Variants in FOXP1 observed in about 807,000 individuals in gnomAD.
The protein encoded by FOXP1 is forkhead box protein P1.
FOXP1 carries 15 observed loss-of-function variants against 98.2 expected under a neutral mutation model. The observed-to-expected ratio is 0.15, with a 90% CI of 0.10 to 0.24. The LOEUF is 0.24. Among genes scored for constraint, FOXP1 ranks in the 10% least tolerant of loss-of-function variants. FOXP1 has a pLI of 1.00. For missense variants in FOXP1, 633 were observed against 848.5 expected, an observed-to-expected ratio of 0.75 and a Z score of 3.15; for synonymous variants, 371 against 314.5, an observed-to-expected ratio of 1.18 and a Z score of -1.90.
chr3:71,436,656 A>G lies in FOXP1; in HGVS notation c.-168+56770T>C, dbSNP rs79519481. On this transcript the variant is annotated intron_variant, in intron 3 of 20. Transcript: ENST00000649528. ...AAGAAAAGAACAAAAAATTTCAAGG[A>G]TTCACTAAGCCAACAGCACTGAACC... 2.7e-3 allele frequency among the ~76,000 whole-genome samples: 418 copies of G among 152,242 alleles called. 1 individual carries two copies. Among genetic ancestry groups the G allele is most frequent in the African/African-American group, 9.7e-3 (404 of 41,522 alleles).
intron 5 of FOXP1, among the ~76,000 whole-genome samples, chr3:71,261,467 T>C (rs1313491699): frequency 6.6e-6 from 1 of 152,164 alleles, no homozygotes; most frequent in African/African-American, 2.4e-5. Flanking sequence ...GACTTTTATT[T>C]CCGATAGTTA....
chr3:71,224,468 G>C (rs967652681), intron 5 of FOXP1, among the ~76,000 whole-genome samples: 3 of 152,164 alleles, frequency 2.0e-5, no homozygotes, highest in African/African-American at 7.2e-5. Flanking sequence ...GGTGTGGAGG[G>C]ATGTGGATAC....
chr3:71,134,440 GT>G (rs1157415671), intron 6 of FOXP1, among the ~76,000 whole-genome samples: 2 of 152,180 alleles, frequency 1.3e-5, no homozygotes, highest in African/African-American at 4.8e-5. Flanking sequence ...TAGGGGAAGT[GT>G]TAGATAGGTA....
Position 71,112,548 on chromosome 3 carries a change from T to C in FOXP1, c.270A>G (p.Gln90=). 1 of 1,612,880 alleles carries C rather than the reference T, an allele frequency of 6.2e-7. No homozygotes were observed. Among genetic ancestry groups the C allele is most frequent in the Non-Finnish European group, 8.5e-7 (1 of 1,178,800 alleles). The part of the protein sequence containing the change: ...GLKSPKRNDK[Q]PALQVPVSVA... ...AAAGAATTGTTACCTGAAGAGCTGG[T>C]TGTTTGTCATTCCTCTTGGGAGATT... is the stretch of plus-strand genomic sequence containing the variant. Residue 90 remains glutamine (Q), a synonymous_variant, in exon 7 of 21, where the codon CAA becomes CAG. Transcript: ENST00000649528.
chr3:71,494,993 G>A (rs1008324434), intron 2 of FOXP1, among the ~76,000 whole-genome samples: 1 of 152,138 alleles, frequency 6.6e-6, no homozygotes, highest in African/African-American at 2.4e-5. Context: ...CCATCTTTAG[G>A]ATAAAATTTG....
At chr3:71,404,130 T>TC (rs1457113544) in intron 3 of FOXP1, among the ~76,000 whole-genome samples, 1 of 128,962 alleles carries the variant, frequency 7.8e-6, no homozygotes, top group African/African-American at 2.8e-5. Flanking sequence ...CTTTTTTTTT[T>TC]TTTTTTTTTT....
chr3:71,472,747 C>T (rs1046391719), intron 3 of FOXP1, among the ~76,000 whole-genome samples: 38 of 152,266 alleles, frequency 2.5e-4, no homozygotes, highest in South Asian at 2.1e-4. Flanking sequence ...ATAATGGAAA[C>T]GCTAGTTGGT....
chr3:71,076,742 G>C (rs2053845617), intron 7 of FOXP1, among the ~76,000 whole-genome samples: 1 of 152,108 alleles, frequency 6.6e-6, no homozygotes, highest in Admixed American at 6.6e-5. Context: ...TTTTGAGCAT[G>C]GTCTCTGTTC....
intron 19 of FOXP1, among the ~76,000 whole-genome samples, chr3:70,967,250 GC>G (rs1365662307): frequency 6.6e-6 from 1 of 152,206 alleles, no homozygotes; most frequent in Non-Finnish European, 1.5e-5. Context: ...AGAGTGCAAA[GC>G]TGGGCTGCAG....
chr3:71,495,410 T>C (rs936705790), intron 2 of FOXP1, among the ~76,000 whole-genome samples: 2 of 152,210 alleles, frequency 1.3e-5, no homozygotes, highest in African/African-American at 4.8e-5. Context: ...AAAAGAACTA[T>C]TTCTTTTCAT....
chr3:71,025,695 T>C (rs2046025969), intron 11 of FOXP1, among the ~76,000 whole-genome samples: 1 of 152,258 alleles, frequency 6.6e-6, no homozygotes, highest in African/African-American at 2.4e-5. Flanking sequence ...TTTCTGTTTC[T>C]GTTTAACAAA....
intron 2 of FOXP1, among the ~76,000 whole-genome samples, chr3:71,528,825 G>T (rs893282100): frequency 6.6e-6 from 1 of 152,196 alleles, no homozygotes; most frequent in East Asian, 1.9e-4. Context: ...TGGCCTGAAG[G>T]TGGGGGTTAG....
At chr3:71,215,161 T>C (rs1189089012) in intron 5 of FOXP1, among the ~76,000 whole-genome samples, 1 of 152,256 alleles carries the variant, frequency 6.6e-6, no homozygotes, top group Admixed American at 6.5e-5. Context: ...GCTTGATTTC[T>C]AGCTCAGCCA....
At chr3:71,014,931 A>C (rs1176059448) in intron 12 of FOXP1, among the ~76,000 whole-genome samples, 1 of 151,956 alleles carries the variant, frequency 6.6e-6, no homozygotes, top group Non-Finnish European at 1.5e-5. Flanking sequence ...CATAGGTGGG[A>C]ATTGAACGAT....
chr3:71,241,240 C>CAA (rs74310619), intron 5 of FOXP1, among the ~76,000 whole-genome samples: 53 of 148,540 alleles, frequency 3.6e-4, no homozygotes, highest in Admixed American at 1.1e-3. Flanking sequence ...AACAAAAAAA[C>CAA]AAAAAAAAAA....
chr3:71,183,496 C>G (rs901744861), intron 6 of FOXP1, among the ~76,000 whole-genome samples: 7 of 152,076 alleles, frequency 4.6e-5, no homozygotes, highest in East Asian at 1.9e-4. Flanking sequence ...AACACCCTGT[C>G]TCAAAAACAA....
chr3:71,146,768 A>G (rs1290257090), intron 6 of FOXP1, among the ~76,000 whole-genome samples: 1 of 152,242 alleles, frequency 6.6e-6, no homozygotes, highest in Non-Finnish European at 1.5e-5. Flanking sequence ...TGAGGCAGCA[A>G]CATGGCTAGA....
At chr3:71,416,607 A>ACGTATGGT (rs2083246211) in intron 3 of FOXP1, among the ~76,000 whole-genome samples, 1 of 151,432 alleles carries the variant, frequency 6.6e-6, no homozygotes. Context: ...AAAAAAAATG[A>ACGTATGGT]CGTATGGTCA....
chr3:71,160,848 A>T (rs145028864), intron 6 of FOXP1, among the ~76,000 whole-genome samples: 3 of 152,354 alleles, frequency 2.0e-5, no homozygotes, highest in African/African-American at 7.2e-5. Context: ...TACTTGCTCA[A>T]ATAGTTAATG....
Sources: allele counts gnomAD v4.1 joint callset (sites outside exome capture counted in the v4.1 genomes callset), GRCh38; gene constraint gnomAD v4.1.1; transcripts MANE v1.5; gene names NCBI Gene and HGNC (gene_info 2026-07-23, HGNC 2026-07-21).